Variants in PRKCA observed in about 807,000 individuals in gnomAD.
PRKCA encodes the protein protein kinase C alpha type.
In PRKCA, 27 loss-of-function variants were observed where a neutral mutation model predicts 87.0. That is an observed-to-expected ratio of 0.31 (90% confidence interval 0.23 to 0.43). The LOEUF (loss-of-function observed/expected upper bound fraction) is 0.43, where lower values mean the gene tolerates loss of function less well. PRKCA is among the 20% of genes least tolerant of loss of function. The pLI, the probability that PRKCA is intolerant of heterozygous loss-of-function variation, is 1.00. For missense variants in PRKCA, 518 were observed against 852.3 expected, an observed-to-expected ratio of 0.61 and a Z score of 4.88; for synonymous variants, 329 against 311.1, an observed-to-expected ratio of 1.06 and a Z score of -0.61.
At chr17:66,637,363 C>T (rs1036063952) in intron 3 of PRKCA, among the ~76,000 whole-genome samples, 22 of 152,150 alleles carry the variant, frequency 1.4e-4, no homozygotes, top group African/African-American at 4.6e-4. Flanking sequence ...GCATATTCTG[C>T]GCCCTCCGCA....
intron 3 of PRKCA, among the ~76,000 whole-genome samples, chr17:66,549,301 G>C (rs1049569716): frequency 2.0e-4 from 30 of 152,016 alleles, no homozygotes; most frequent in Non-Finnish European, 2.1e-4. Context: ...TCAGTCCTTC[G>C]TCCAGAGCCT....
At chr17:66,615,526 A>G (rs2143663013) in intron 3 of PRKCA, among the ~76,000 whole-genome samples, 1 of 152,300 alleles carries the variant, frequency 6.6e-6, no homozygotes, top group Middle Eastern at 3.4e-3. Flanking sequence ...CAACTCATTC[A>G]TAGGCAGAGA....
chr17:66,450,538 A>C (rs1914256137), intron 2 of PRKCA, among the ~76,000 whole-genome samples: 1 of 152,140 alleles, frequency 6.6e-6, no homozygotes, highest in Non-Finnish European at 1.5e-5. Flanking sequence ...TGCAGGTGGA[A>C]AGAGAAGTCC....
intron 8 of PRKCA, among the ~76,000 whole-genome samples, chr17:66,697,420 A>G (rs1280959144): frequency 6.6e-6 from 1 of 152,184 alleles, no homozygotes; most frequent in Non-Finnish European, 1.5e-5. Context: ...TTGGAGGAAA[A>G]ACATCCACAA....
Position 66,702,398 on chromosome 17 carries a change from A to G in PRKCA, c.918+13351A>G, listed in dbSNP as rs76056901. Among the ~76,000 whole-genome samples, 1,288 of 152,274 alleles carry G rather than the reference A, an allele frequency of 8.5e-3. 22 individuals carry two copies. Among genetic ancestry groups the G allele is most frequent in the African/African-American group, 0.029 (1,218 of 41,562 alleles). ...AAAGTCAAACTCACAGAAACAGAAT[A>G]GAAGTGTGGTTACCATGGGTTGAGC... On this transcript the variant is annotated intron_variant, in intron 8 of 16. Coordinates refer to ENST00000413366, the MANE Select transcript of PRKCA (RefSeq NM_002737.3).
At chr17:66,341,649 T>C (rs191487003) in intron 2 of PRKCA, among the ~76,000 whole-genome samples, 17 of 152,322 alleles carry the variant, frequency 1.1e-4, no homozygotes, top group African/African-American at 4.1e-4. Flanking sequence ...AGATGTTTCA[T>C]AAATGGTAAT....
chr17:66,616,052 T>G (rs1429456005), intron 3 of PRKCA, among the ~76,000 whole-genome samples: 1 of 152,226 alleles, frequency 6.6e-6, no homozygotes, highest in Admixed American at 6.5e-5. Flanking sequence ...GTCACTACTC[T>G]GAATCCCAGT....
rs1389175966 is a variant in PRKCA at position 66,587,769 on chromosome 17, GTA to G, written c.289-53582_289-53581del. Among the ~76,000 whole-genome samples the G allele has an allele frequency of 5.0e-4, 35 of 69,578 alleles. 2 individuals carry two copies. Among genetic ancestry groups the G allele is most frequent in the Non-Finnish European group, 6.6e-4 (22 of 33,096 alleles). The allele number at this position is 69,578 out of a possible 152,430, so 45.6% of individuals were successfully genotyped here. On this transcript the variant is annotated intron_variant, in intron 3 of 16. Transcript: ENST00000413366. The stretch of plus-strand genomic sequence containing the variant: ...TGTGTGTATATGTATACATATATAC[GTA>G]TATGTGTGTATATGTATACATATAT...
intron 3 of PRKCA, among the ~76,000 whole-genome samples, chr17:66,617,170 A>G (rs2143671726): frequency 6.6e-6 from 1 of 152,306 alleles, no homozygotes; most frequent in East Asian, 1.9e-4. Flanking sequence ...GAACTGTTTC[A>G]TCTCAGAGCT....
At chr17:66,406,585 GTTTTTTTTTTTTTT>G (rs71160568) in intron 2 of PRKCA, among the ~76,000 whole-genome samples, 1 of 70,180 alleles carries the variant, frequency 1.4e-5, no homozygotes, top group Non-Finnish European at 2.7e-5. Context: ...GCTTTTCCAG[GTTTTTTTTTTTTTT>G]TTTTTTTTTT....
Position 66,742,757 on chromosome 17 carries a change from A to G in PRKCA, c.1521A>G (p.Pro507=). 1 of 1,613,672 alleles carries G rather than the reference A, an allele frequency of 6.2e-7. No homozygotes were observed. Among genetic ancestry groups the G allele is most frequent in the Non-Finnish European group, 8.5e-7 (1 of 1,179,944 alleles). ...GTGGGACTCCAGATTATATCGCCCCAGAGGTAGGAACCCCAGTGATCGTTT... is the reference window on the plus strand; with the variant it reads ...GTGGGACTCCAGATTATATCGCCCCGGAGGTAGGAACCCCAGTGATCGTTT... ...TFCGTPDYIA[P]EIIAYQPYGK... The change falls in exon 13 of 17, where the codon CCA becomes CCG. Residue 507 remains proline, a synonymous_variant. Transcript: ENST00000413366.
At chr17:66,560,934 C>T (rs1478886125) in intron 3 of PRKCA, among the ~76,000 whole-genome samples, 1 of 152,156 alleles carries the variant, frequency 6.6e-6, no homozygotes, top group Non-Finnish European at 1.5e-5. Context: ...CGGCTGTCTT[C>T]CCAAGTCAGC....
chr17:66,797,111 C>A (rs898949818), intron 16 of PRKCA, among the ~76,000 whole-genome samples: 3 of 152,094 alleles, frequency 2.0e-5, no homozygotes, highest in Non-Finnish European at 4.4e-5. Flanking sequence ...GGGGTGAGAC[C>A]AACACGTGTA....
intron 2 of PRKCA, among the ~76,000 whole-genome samples, chr17:66,428,247 G>A (rs1244518358): frequency 1.3e-5 from 2 of 152,190 alleles, no homozygotes; most frequent in Non-Finnish European, 2.9e-5. Flanking sequence ...TGGCAGGGAT[G>A]TGTGATTAGA....
At chr17:66,512,457 A>AGTGTGTGTGT (rs71160573) in intron 3 of PRKCA, among the ~76,000 whole-genome samples, 1,562 of 144,436 alleles carry the variant, frequency 0.011, 16 homozygotes, top group East Asian at 0.032. Context: ...CAACAAAAAA[A>AGTGTGTGTGT]GTGTGTGTGT....
Position 66,564,143 on chromosome 17 carries a change from A to G in PRKCA, c.288+67860A>G, listed in dbSNP as rs188667704. Among the ~76,000 whole-genome samples, 18 of 151,810 alleles carry G rather than the reference A, an allele frequency of 1.2e-4. No individual in the cohort carries two copies. The East Asian group carries it at 3.3e-3, about 28-fold the overall frequency. On this transcript the variant is annotated intron_variant, in intron 3 of 16. Coordinates refer to ENST00000413366, the MANE Select transcript of PRKCA (RefSeq NM_002737.3). ...GCCCAGGTTGGAGTGCAGTGGGGCCATCTCGGCTCTGTGCAGGCTCTGCCT... is the reference window on the plus strand; with the variant it reads ...GCCCAGGTTGGAGTGCAGTGGGGCCGTCTCGGCTCTGTGCAGGCTCTGCCT...
chr17:66,771,448 C>G (rs1181963072), intron 13 of PRKCA, among the ~76,000 whole-genome samples: 4 of 152,106 alleles, frequency 2.6e-5, no homozygotes, highest in Non-Finnish European at 5.9e-5. Context: ...AACAAACTGA[C>G]CACAAAATAG....
intron 3 of PRKCA, among the ~76,000 whole-genome samples, chr17:66,552,177 A>G (rs141855586): frequency 8.4e-4 from 128 of 152,064 alleles, no homozygotes; most frequent in African/African-American, 3.0e-3. Context: ...ACATGCCTAT[A>G]CTCCCAATGA....
At position 66,328,175 on chromosome 17, in the gene PRKCA, G is replaced by A. The variant is rs113324493; in HGVS notation, c.205+22048G>A. On this transcript the variant is annotated intron_variant, in intron 2 of 16. Transcript: ENST00000413366. ...CCTGCCTCAGCCTCCAGAGTAGCTG[G>A]GTGTTAACAGATGCATGCCCCTATG... is the stretch of plus-strand genomic sequence containing the variant. Among the ~76,000 whole-genome samples, 307 of 152,152 alleles carry A rather than the reference G, an allele frequency of 2.0e-3. 2 individuals are homozygous for A. Among genetic ancestry groups the A allele is most frequent in the African/African-American group, 6.6e-3 (274 of 41,544 alleles).
Sources: allele counts gnomAD v4.1 joint callset (sites outside exome capture counted in the v4.1 genomes callset), GRCh38; gene constraint gnomAD v4.1.1; transcripts MANE v1.5; gene names NCBI Gene and HGNC (gene_info 2026-07-23, HGNC 2026-07-21).